EIF5B: variants seen among roughly 807,000 people sequenced by gnomAD.
The protein encoded by EIF5B is eukaryotic translation initiation factor 5B.
A neutral mutation model predicts 147.5 loss-of-function variants in EIF5B; 47 were observed. The ratio of observed to expected loss-of-function variants is 0.32; its 90% confidence interval spans 0.25 to 0.41. The LOEUF is 0.41. EIF5B is among the 10% of genes least tolerant of loss of function. The pLI is 1.00. For missense variants in EIF5B, 1,064 were observed against 1,413.2 expected (o/e 0.75, Z 3.96); for synonymous variants, 455 against 456.2 (o/e 1.00, Z 0.03).
chr2:99,350,644 A>G (rs1673930599), intron 1 of EIF5B, among the ~76,000 whole-genome samples: 1 of 151,948 alleles, frequency 6.6e-6, no homozygotes, highest in African/African-American at 2.4e-5. Context: ...TTCCATATGT[A>G]TTCTGGATAT....
chr2:99,360,415 TTAA>T (rs1286457534), intron 2 of EIF5B, 47 bp from the exon 3 acceptor site: 1 of 1,599,144 alleles, frequency 6.3e-7, no homozygotes, highest in South Asian at 1.1e-5. Context: ...CTGGATTCAC[TTAA>T]TAAAAACTAT....
rs1237235244 is a variant in EIF5B, at chr2:99,343,566, C to G, written c.35+5977C>G. On this transcript the variant is annotated intron_variant, in intron 1 of 23. Coordinates refer to ENST00000289371, the MANE Select transcript of EIF5B (RefSeq NM_015904.4). ...GGCACAGTGGCTCATGCCTGTAATC[C>G]CAGCACTTTGGGAGGCCGAGGTGGG... Among the ~76,000 whole-genome samples, 6 of 151,864 alleles carry G rather than the reference C, an allele frequency of 4.0e-5. No homozygotes were observed. In the South Asian group the frequency reaches 1.0e-3, roughly 26 times the overall value.
At chr2:99,387,008 T>C (rs1245353695) in intron 14 of EIF5B, among the ~76,000 whole-genome samples, 1 of 152,130 alleles carries the variant, frequency 6.6e-6, no homozygotes, top group African/African-American at 2.4e-5. Flanking sequence ...CTCCTGGGTT[T>C]AAGTGATTCT....
intron 22 of EIF5B, chr2:99,397,126 G>C: frequency 2.7e-6 from 1 of 371,836 alleles, no homozygotes; most frequent in Non-Finnish European, 4.7e-6. Context: ...TTCAGTATTG[G>C]TAAATATCAG....
rs972794373 is a variant in EIF5B at position 99,400,559 on chromosome 2, C to T, written c.*1145C>T. ...TTATATACGTTTGAAAAATCTATAC[C>T]GTTCTTTTTTATCATCAAAGTTTCT... On this transcript the variant is annotated 3_prime_UTR_variant, in exon 24 of 24. Transcript: ENST00000289371. 3.9e-5 allele frequency: 6 copies of T among 151,958 alleles called. No homozygotes were observed. Among genetic ancestry groups the T allele is most frequent in the African/African-American group, 7.3e-5 (3 of 41,362 alleles). The allele number at this position is 151,958 out of a possible 1,614,324, so 9.4% of individuals were successfully genotyped here. A position where few individuals can be genotyped will look rare whatever the true frequency, so the allele number is the denominator to read the frequency against.
chr2:99,391,276 G>T (rs1224883897), intron 17 of EIF5B, among the ~76,000 whole-genome samples: 1 of 152,208 alleles, frequency 6.6e-6, no homozygotes, highest in Non-Finnish European at 1.5e-5. Context: ...TGAGTAAGCT[G>T]AGAGGGAAGA....
chr2:99,366,461 G>A (rs969767859), intron 6 of EIF5B, among the ~76,000 whole-genome samples: 13 of 152,088 alleles, frequency 8.5e-5, no homozygotes, highest in African/African-American at 2.4e-4. Context: ...TAATGTATTC[G>A]TCTTACCAGT....
chr2:99,364,088 A>G (rs1235306237), intron 5 of EIF5B, among the ~76,000 whole-genome samples, 183 bp from the exon 6 acceptor site: 2 of 152,208 alleles, frequency 1.3e-5, no homozygotes, highest in East Asian at 1.9e-4. Flanking sequence ...ATCATTGCCA[A>G]TAATCTGATG....
chr2:99,398,635 C>G, intron 22 of EIF5B, 113 bp from the exon 23 acceptor site: 1 of 1,169,196 alleles, frequency 8.6e-7, no homozygotes, highest in Non-Finnish European at 1.2e-6. Context: ...ATCGCACTGC[C>G]ATGACTTTTA....
chr2:99,379,196 T>C, intron 11 of EIF5B, 70 bp downstream of exon 11: 2 of 1,424,312 alleles, frequency 1.4e-6, no homozygotes, highest in Non-Finnish European at 1.9e-6. Context: ...AAAAAAACTT[T>C]AGAGACCAAT....
intron 4 of EIF5B, among the ~76,000 whole-genome samples, chr2:99,362,033 G>T (rs995503051): frequency 6.6e-6 from 1 of 152,096 alleles, no homozygotes; most frequent in East Asian, 1.9e-4. Flanking sequence ...GATTATTTAT[G>T]TACAGACTGG....
chr2:99,364,879 ATT>A lies in EIF5B; in HGVS notation c.1288+466_1288+467del, dbSNP rs10707224. On this transcript the variant is annotated intron_variant, in intron 6 of 23. Transcript: ENST00000289371. ...CCACGGTGAAAAAGTATTCATGACC[ATT>A]TTTTTTTAACCCTTTCCTTACTTTC... Among the ~76,000 whole-genome samples the A allele has an allele frequency of 4.6e-3, 694 of 151,552 alleles. 2 individuals are homozygous for A. The highest frequency in any genetic ancestry group is 8.1e-3 in the South Asian group (39 of 4,806).
At chr2:99,369,340 CAG>C in intron 7 of EIF5B, 50 bp from the exon 8 acceptor site, 1 of 1,451,844 alleles carries the variant, frequency 6.9e-7, no homozygotes, top group Non-Finnish European at 9.5e-7. Context: ...AGTATCTTAA[CAG>C]AAATTATACA....
At chr2:99,362,216 G>A (rs1477470888) in intron 4 of EIF5B, among the ~76,000 whole-genome samples, 1 of 152,104 alleles carries the variant, frequency 6.6e-6, no homozygotes, top group Non-Finnish European at 1.5e-5. Context: ...ACAAAGAAAT[G>A]TTTTCATGAA....
rs755316424 is a variant in EIF5B at position 99,363,697 on chromosome 2, A to G, written c.972A>G (p.Glu324=). The stretch of plus-strand genomic sequence containing the variant: ...AAGATAAGAAGAAAAAGAAAGGAGA[A>G]AAGGAAGAAAAAGAGAAAGAGAAGA... The part of the protein sequence containing the change: ...KKKDKKKKKG[E]KEEKEKEKKK... The change falls in exon 5 of 24, where the codon GAA becomes GAG. Residue 324 remains glutamate, a synonymous_variant. Coordinates refer to ENST00000289371, the MANE Select transcript of EIF5B (RefSeq NM_015904.4). 6.3e-7 allele frequency: 1 copy of G among 1,599,686 alleles called. No individual in the cohort carries two copies.
In EIF5B at chr2:99,361,458, G is replaced by C. The variant is rs1374267020; in HGVS notation, c.557G>C (p.Ser186Thr). ...TCAAGAATAAATTCTTCTGGTGAAA[G>C]TGGTGATGAATCAGATGAATTTTTG... is the stretch of plus-strand genomic sequence containing the variant. Reference protein sequence around the residue: ...ERSRINSSGESGDESDEFLQS... With the variant: ...ERSRINSSGETGDESDEFLQS... Residue 186 changes from serine to threonine, a missense_variant, in exon 4 of 24, where the codon AGT (serine) becomes ACT (threonine). Coordinates refer to ENST00000289371, the MANE Select transcript of EIF5B (RefSeq NM_015904.4). 4 of 1,613,904 alleles carry C rather than the reference G, an allele frequency of 2.5e-6. No individual in the cohort carries two copies. In the African/African-American group the frequency reaches 5.3e-5, roughly 22 times the overall value.
In EIF5B at chr2:99,353,005, C is replaced by CTTT. The variant is rs529053292; in HGVS notation, c.36-7206_36-7204dup. Among the ~76,000 whole-genome samples, 277 of 62,850 alleles carry CTTT rather than the reference C, an allele frequency of 4.4e-3. 14 individuals carry two copies. The highest frequency in any genetic ancestry group is 0.012 in the African/African-American group (175 of 15,086). The allele number at this position is 62,850 out of a possible 152,430, so 41.2% of individuals were successfully genotyped here. On this transcript the variant is annotated intron_variant, in intron 1 of 23. Transcript: ENST00000289371. ...GCCTGGCTAATTTTTTCTTCTTCTT[C>CTTT]TTTTTTTTTTTTTTTTTTTTTTTTT... is the stretch of plus-strand genomic sequence containing the variant.
intron 1 of EIF5B, among the ~76,000 whole-genome samples, chr2:99,359,148 G>T (rs1460496538): frequency 2.0e-5 from 3 of 151,796 alleles, no homozygotes; most frequent in Admixed American, 6.6e-5. Flanking sequence ...TGATCACAAG[G>T]TCAGGAGTTT....
At chr2:99,362,571 C>T (rs1011353651) in intron 4 of EIF5B, among the ~76,000 whole-genome samples, 6 of 151,490 alleles carry the variant, frequency 4.0e-5, no homozygotes, top group South Asian at 4.2e-4. Flanking sequence ...TGGTGGCGGG[C>T]GCCTGTAGTC....
Sources: gnomAD v4.1 joint callset for allele counts (sites outside exome capture counted in the v4.1 genomes callset) on GRCh38, gnomAD v4.1.1 for gene constraint, MANE v1.5 for transcripts, NCBI Gene and HGNC (gene_info 2026-07-23, HGNC 2026-07-21) for gene names.